POLN: variants seen among roughly 807,000 people sequenced by gnomAD.
POLN encodes the protein DNA polymerase N.
In POLN, 108 loss-of-function variants were observed where a neutral mutation model predicts 113.5. That is an observed-to-expected ratio of 0.95 (90% CI 0.81 to 1.12). The LOEUF (loss-of-function observed/expected upper bound fraction) is 1.12, where lower values mean the gene tolerates loss of function less well. POLN is among the 50% of genes most tolerant of loss of function. The pLI, the probability that POLN is intolerant of heterozygous loss-of-function variation, is 0.00. For missense variants in POLN, 1,097 were observed against 1,077.1 expected, an observed-to-expected ratio of 1.02 and a Z score of -0.26; for synonymous variants, 386 against 391.5, an observed-to-expected ratio of 0.99 and a Z score of 0.17.
chr4:2,141,460 C>T (rs1007130807), intron 16 of POLN, among the ~76,000 whole-genome samples: 1 of 152,158 alleles, frequency 6.6e-6, no homozygotes, highest in Non-Finnish European at 1.5e-5. Flanking sequence ...TCCTGTGTCC[C>T]CAGCTGTGGC....
rs112739624 is a variant in POLN, at chr4:2,155,436, C to T, written c.1731+1352G>A. ...CACCCAAGAGGCCACACGATTAGCG[C>T]AAACTCACCCCATCCCAGCCTCTCT... On this transcript the variant is annotated intron_variant, in intron 16 of 25. Coordinates refer to ENST00000511885, the MANE Select transcript of POLN (RefSeq NM_181808.4). Among the ~76,000 whole-genome samples, 693 of 152,352 alleles carry T rather than the reference C, an allele frequency of 4.5e-3. 6 individuals are homozygous for T. The highest frequency in any genetic ancestry group is 0.016 in the African/African-American group (660 of 41,580).
intron 2 of POLN, chr4:2,240,992 T>A: frequency 7.2e-7 from 1 of 1,393,918 alleles, no homozygotes. Context: ...GGGTTTACGG[T>A]GTTGATTTTT....
At position 2,085,712 on chromosome 4, in the gene POLN, GAACTC is replaced by G; in HGVS notation, c.2093_2097del (p.Gly698AlafsTer53). On this transcript the variant is annotated frameshift_variant, in exon 21 of 26. Coordinates refer to ENST00000511885, the MANE Select transcript of POLN (RefSeq NM_181808.4). LOFTEE classifies it high-confidence loss of function. ...AAAAACTGGGCAGCTTCCTGAATAG[GAACTC>G]CAAGGCAAGCAGCCAGCCGCTCCTT... 6.2e-7 allele frequency: 1 copy of G among 1,613,898 alleles called. No individual in the cohort carries two copies. The highest frequency in any genetic ancestry group is 8.5e-7 in the Non-Finnish European group (1 of 1,180,032).
chr4:2,223,481 G>T (rs1026410671), intron 3 of POLN, among the ~76,000 whole-genome samples: 1 of 152,178 alleles, frequency 6.6e-6, no homozygotes, highest in Non-Finnish European at 1.5e-5. Flanking sequence ...ATCTTAGGTG[G>T]AACAGTTTCA....
intron 7 of POLN, among the ~76,000 whole-genome samples, chr4:2,186,518 A>G (rs1733277541): frequency 6.6e-6 from 1 of 152,178 alleles, no homozygotes; most frequent in African/African-American, 2.4e-5. Context: ...AGTTTGCTAG[A>G]GCCGAGGCAC....
intron 3 of POLN, among the ~76,000 whole-genome samples, chr4:2,222,912 T>C (rs1577784414): frequency 6.6e-6 from 1 of 152,290 alleles, no homozygotes; most frequent in South Asian, 2.1e-4. Flanking sequence ...GATGAGGTCA[T>C]CAGTGCCAGC....
At chr4:2,236,199 C>T (rs1734758030) in intron 2 of POLN, 2 of 1,364,194 alleles carry the variant, frequency 1.5e-6, no homozygotes, top group Non-Finnish European at 2.0e-6. Context: ...TTTTAAAAAG[C>T]ATTTTTAACT....
chr4:2,240,792 A>G, intron 2 of POLN: 6 of 1,613,952 alleles, frequency 3.7e-6, no homozygotes, highest in Non-Finnish European at 5.1e-6. Flanking sequence ...TTCAGACAAC[A>G]CGTTCTGTTC....
At chr4:2,090,553 T>G in intron 20 of POLN, 2 of 463,464 alleles carry the variant, frequency 4.3e-6, no homozygotes, top group South Asian at 2.6e-5. Flanking sequence ...AGACTGGCCA[T>G]GGTGATCATC....
intron 9 of POLN, 70 bp from the exon 10 acceptor site, chr4:2,174,821 C>A: frequency 1.7e-6 from 2 of 1,199,338 alleles, no homozygotes; most frequent in Non-Finnish European, 2.4e-6. Context: ...GTTGAAAAGC[C>A]TACTTTTTTT....
intron 7 of POLN, among the ~76,000 whole-genome samples, chr4:2,180,411 G>A (rs188648131): frequency 1.3e-5 from 2 of 152,244 alleles, no homozygotes. Context: ...TAAGGAGTTT[G>A]CCTTTAAATA....
At chr4:2,191,292 A>C (rs1019027360) in intron 7 of POLN, among the ~76,000 whole-genome samples, 1 of 151,482 alleles carries the variant, frequency 6.6e-6, no homozygotes, top group East Asian at 2.0e-4. Context: ...AGCAGATCTC[A>C]TGAAGGTAGA....
At chr4:2,090,914 A>T (rs555569125) in intron 20 of POLN, among the ~76,000 whole-genome samples, 1 of 152,292 alleles carries the variant, frequency 6.6e-6, no homozygotes, top group South Asian at 2.1e-4. Context: ...TCTTTCTAGA[A>T]TTTCTCATTT....
At chr4:2,144,679 C>G (rs1169189882) in intron 16 of POLN, among the ~76,000 whole-genome samples, 1 of 152,216 alleles carries the variant, frequency 6.6e-6, no homozygotes, top group South Asian at 2.1e-4. Context: ...TCCCCCACAC[C>G]CCAATAATCC....
intron 6 of POLN, among the ~76,000 whole-genome samples, chr4:2,195,694 G>C (rs1293577995): frequency 6.6e-6 from 1 of 151,964 alleles, no homozygotes; most frequent in Non-Finnish European, 1.5e-5. Context: ...ATGTTGCTCA[G>C]GCTAGTCTCA....
chr4:2,179,940 G>A (rs1358075372), intron 7 of POLN, among the ~76,000 whole-genome samples: 1 of 152,226 alleles, frequency 6.6e-6, no homozygotes, highest in Non-Finnish European at 1.5e-5. Context: ...AGGAAGAAGG[G>A]CGGGAGTTGC....
At chr4:2,162,183 T>C (rs1008628517) in intron 13 of POLN, among the ~76,000 whole-genome samples, 18 of 152,262 alleles carry the variant, frequency 1.2e-4, no homozygotes, top group Admixed American at 2.6e-4. Context: ...GCTCACTCTT[T>C]GGGTCCACAC....
In POLN at chr4:2,088,792, C is replaced by T. The variant is rs117643651; in HGVS notation, c.2066-3048G>A. The T allele has an allele frequency of 8.6e-4, 1,168 of 1,355,868 alleles. 19 individuals carry two copies. The East Asian group carries it at 0.026, about 30-fold the overall frequency. 84.0% of individuals were successfully genotyped at this position (1,355,868 alleles called of 1,614,324 possible). On this transcript the variant is annotated intron_variant, in intron 20 of 25. Coordinates refer to ENST00000511885, the MANE Select transcript of POLN (RefSeq NM_181808.4). ...CTGATTTGAAGTCAAATGGTATTAT[C>T]GCTACAAGAGGACTTATTTCTTTGT...
At chr4:2,148,253 G>A (rs573376625) in intron 16 of POLN, among the ~76,000 whole-genome samples, 91 of 152,206 alleles carry the variant, frequency 6.0e-4, no homozygotes, top group Non-Finnish European at 8.8e-4. Flanking sequence ...CCAAGGAAAA[G>A]AATAAAAGTG....
Sources: gnomAD v4.1 joint callset for allele counts (sites outside exome capture counted in the v4.1 genomes callset) on GRCh38, gnomAD v4.1.1 for gene constraint, MANE v1.5 for transcripts, NCBI Gene and HGNC (gene_info 2026-07-23, HGNC 2026-07-21) for gene names.